The following SEH1L variants were observed in gnomAD, a reference collection of about 807,000 sequenced individuals.
The protein encoded by SEH1L is nucleoporin SEH1.
Under a neutral mutation model 49.5 loss-of-function variants are expected in SEH1L, and 18 were observed. That is an observed-to-expected ratio of 0.36 (90% CI 0.25 to 0.54). SEH1L has a LOEUF of 0.54. SEH1L is among the 20% of genes least tolerant of loss of function. SEH1L has a pLI of 0.87. For missense variants in SEH1L, 404 were observed against 528.8 expected, an observed-to-expected ratio of 0.76 and a Z score of 2.31; for synonymous variants, 169 against 178.1, an observed-to-expected ratio of 0.95 and a Z score of 0.41.
rs554886753 is a variant in SEH1L, at chr18:12,981,850, A to ATTTTTTT, written c.762-647_762-641dup. Among the ~76,000 whole-genome samples the ATTTTTTT allele has an allele frequency of 4.8e-4, 42 of 88,186 alleles. 5 individuals carry two copies. The highest frequency in any genetic ancestry group is 7.4e-4 in the Non-Finnish European group (37 of 50,090). The allele number at this position is 88,186 out of a possible 152,430, so 57.9% of individuals were successfully genotyped here. On this transcript the variant is annotated intron_variant, in intron 6 of 8. Coordinates refer to ENST00000399892, the MANE Select transcript of SEH1L (RefSeq NM_001013437.2). ...TTCTTTCCTACTTGCTGCCCTGCCC[A>ATTTTTTT]TTTTTTTTTTTTTTTTTTTTTTTTT...
chr18:12,962,461 T>C (rs867563934), intron 3 of SEH1L, among the ~76,000 whole-genome samples: 38 of 106,032 alleles, frequency 3.6e-4, no homozygotes, highest in African/African-American at 1.1e-3. Flanking sequence ...ATGCCTTTCT[T>C]TTTTTTTTTT....
intron 4 of SEH1L, among the ~76,000 whole-genome samples, chr18:12,965,009 CTTTTTT>C (rs138934038): frequency 2.4e-5 from 2 of 82,608 alleles, no homozygotes; most frequent in Non-Finnish European, 4.4e-5. Context: ...TTTCCTCATT[CTTTTTT>C]TTTTTTTTTT....
intron 4 of SEH1L, among the ~76,000 whole-genome samples, chr18:12,967,929 G>GAA (rs544829923): frequency 1.4e-5 from 2 of 139,294 alleles, no homozygotes; most frequent in Admixed American, 7.2e-5. Context: ...AGAAAAAAAA[G>GAA]AAAAAAAAAA....
chr18:12,978,990 T>C (rs1397960258), intron 6 of SEH1L, 98 bp downstream of exon 6: 1 of 1,142,946 alleles, frequency 8.7e-7, no homozygotes, highest in African/African-American at 1.5e-5. Flanking sequence ...ATTTGGTTTA[T>C]ATTTCTGCTC....
intron 3 of SEH1L, among the ~76,000 whole-genome samples, chr18:12,959,382 G>T (rs752099519): frequency 2.6e-5 from 4 of 152,130 alleles, no homozygotes; most frequent in Non-Finnish European, 5.9e-5. Flanking sequence ...TTACTTAATA[G>T]AGTTGCCCAG....
chr18:12,974,564 C>T (rs1292927469), intron 5 of SEH1L: 1 of 152,176 alleles, frequency 6.6e-6, no homozygotes. Context: ...AGGTGTGAGC[C>T]ACCACGCCCG....
chr18:12,978,915 A>G, intron 6 of SEH1L, 23 bp downstream of exon 6: 2 of 1,608,676 alleles, frequency 1.2e-6, no homozygotes, highest in Non-Finnish European at 1.7e-6. Context: ...AGCATTTATG[A>G]ATTTGAAAAT....
intron 3 of SEH1L, among the ~76,000 whole-genome samples, chr18:12,959,909 T>C (rs1279386694): frequency 2.0e-5 from 3 of 152,074 alleles, no homozygotes; most frequent in African/African-American, 7.2e-5. Flanking sequence ...TACTTGGAGA[T>C]AGAGAAAGGT....
rs117307220 is a variant in SEH1L, at chr18:12,959,814, A to G, written c.310-3346A>G. On this transcript the variant is annotated intron_variant, in intron 3 of 8. Transcript: ENST00000399892. ...TCCAGTGTCATGAAGACTTTCCCCAATGTTTTCTTCTAAGATTGTTATAGA... is the reference window on the plus strand; with the variant it reads ...TCCAGTGTCATGAAGACTTTCCCCAGTGTTTTCTTCTAAGATTGTTATAGA... 6.7e-3 allele frequency among the ~76,000 whole-genome samples: 1,027 copies of G among 152,214 alleles called. 5 individuals are homozygous for G. Among genetic ancestry groups the G allele is most frequent in the South Asian group, 0.015 (71 of 4,820 alleles).
intron 1 of SEH1L, 129 bp from the exon 2 acceptor site, chr18:12,951,726 A>T: frequency 1.6e-6 from 1 of 630,370 alleles, no homozygotes; most frequent in Non-Finnish European, 2.8e-6. Context: ...ATGAATGTTT[A>T]CTTGCTGATT....
chr18:12,971,471 A>G, intron 5 of SEH1L: 1 of 288,492 alleles, frequency 3.5e-6, no homozygotes, highest in South Asian at 4.4e-5. Context: ...CGTCTCTACT[A>G]AAAGTACAAA....
intron 3 of SEH1L, among the ~76,000 whole-genome samples, chr18:12,956,971 G>C (rs1023921313): frequency 1.3e-5 from 2 of 152,136 alleles, no homozygotes; most frequent in African/African-American, 4.8e-5. Flanking sequence ...TGGAGGCTGA[G>C]GCAGGAGAAT....
At position 12,970,276 on chromosome 18, in the gene SEH1L, G is replaced by A. The variant is rs115759752; in HGVS notation, c.522-877G>A. Among the ~76,000 whole-genome samples the A allele has an allele frequency of 8.0e-3, 1,223 of 152,270 alleles. 16 individuals are homozygous for A. Among genetic ancestry groups the A allele is most frequent in the African/African-American group, 0.028 (1,173 of 41,540 alleles). On this transcript the variant is annotated intron_variant, in intron 4 of 8. Coordinates refer to ENST00000399892, the MANE Select transcript of SEH1L (RefSeq NM_001013437.2). The stretch of plus-strand genomic sequence containing the variant: ...AAAAGTCATTCAGCTTATAGTTCAG[G>A]AGAGCCATTCTTTCATTGCTCATCT...
chr18:12,948,260 G>T, intron 1 of SEH1L, 28 bp downstream of exon 1: 1 of 1,551,258 alleles, frequency 6.4e-7, no homozygotes, highest in Non-Finnish European at 8.9e-7. Context: ...GGGCGGGGCC[G>T]ACCCCGGAAG....
At chr18:12,972,427 A>G (rs2031742236) in intron 5 of SEH1L, 1 of 152,212 alleles carries the variant, frequency 6.6e-6, no homozygotes, top group Admixed American at 6.6e-5. Flanking sequence ...ATGCCGAGAT[A>G]CAAGTGTCTG....
chr18:12,951,708 T>TTGAA, intron 1 of SEH1L, 147 bp from the exon 2 acceptor site: 1 of 578,038 alleles, frequency 1.7e-6, no homozygotes, highest in East Asian at 3.6e-5. Context: ...AAATACTTAA[T>TTGAA]TGAATGAATG....
At chr18:12,971,980 G>A (rs1004086583) in intron 5 of SEH1L, 1 of 152,224 alleles carries the variant, frequency 6.6e-6, no homozygotes, top group Non-Finnish European at 1.5e-5. Flanking sequence ...GGCAAGACTT[G>A]TATCTATAAG....
chr18:12,985,097 GT>G, intron 8 of SEH1L: 15 of 658,000 alleles, frequency 2.3e-5, no homozygotes, highest in Admixed American at 4.0e-5. Context: ...TTAAAGTCTG[GT>G]TTTTGGTCAC....
At position 12,987,240 on chromosome 18, in the gene SEH1L, A is replaced by T; in HGVS notation, c.*183A>T. ...GTTTGTGCGTCTGCATCAAAGGAAC[A>T]TTTGCTTCACTGGGTGATAACCTTT... On this transcript the variant is annotated 3_prime_UTR_variant, in exon 9 of 9. Transcript: ENST00000399892. 2.2e-6 allele frequency: 1 copy of T among 447,362 alleles called. No individual in the cohort carries two copies. The highest frequency in any genetic ancestry group is 3.5e-5 in the East Asian group (1 of 28,338). The allele number at this position is 447,362 out of a possible 1,614,324, so 27.7% of individuals were successfully genotyped here.
Sources: gnomAD v4.1 joint callset for allele counts (sites outside exome capture counted in the v4.1 genomes callset) on GRCh38, gnomAD v4.1.1 for gene constraint, MANE v1.5 for transcripts, NCBI Gene and HGNC (gene_info 2026-07-23, HGNC 2026-07-21) for gene names.